Variants in ZNF804A observed in about 807,000 individuals in gnomAD.
The protein encoded by ZNF804A is zinc finger protein 804A.
Under a neutral mutation model 16.5 loss-of-function variants are expected in ZNF804A, and 2 were observed. The ratio of observed to expected loss-of-function variants is 0.12; its 90% confidence interval spans 0.05 to 0.38. The LOEUF (loss-of-function observed/expected upper bound fraction) is 0.38. ZNF804A is among the 10% of genes least tolerant of loss of function. The probability of loss-of-function intolerance (pLI) is 0.99; values close to 1 mark genes in which losing one functional copy is unlikely to be tolerated. For synonymous variants in ZNF804A, 534 were observed against 489.6 expected, an observed-to-expected ratio of 1.09 and a Z score of -1.20; for missense variants, 1,473 against 1,390.7, an observed-to-expected ratio of 1.06 and a Z score of -0.94.
intron 1 of ZNF804A, among the ~76,000 whole-genome samples, chr2:184,752,566 A>G (rs779635661): frequency 1.3e-5 from 2 of 151,526 alleles, no homozygotes; most frequent in Non-Finnish European, 3.0e-5. Flanking sequence ...TAGGAGCCCA[A>G]TTCCCACCAG....
intron 2 of ZNF804A, among the ~76,000 whole-genome samples, chr2:184,886,807 GGGGGCCT>G (rs1218441564): frequency 6.6e-6 from 1 of 152,196 alleles, no homozygotes; most frequent in African/African-American, 2.4e-5. Context: ...CACACAGCGT[GGGGGCCT>G]GGGGCCTGGC....
At chr2:184,909,532 A>G (rs1209377145) in intron 2 of ZNF804A, among the ~76,000 whole-genome samples, 2 of 152,096 alleles carry the variant, frequency 1.3e-5, no homozygotes, top group African/African-American at 4.8e-5. Flanking sequence ...ATATTTATTG[A>G]TAAAGAAATA....
intron 1 of ZNF804A, among the ~76,000 whole-genome samples, chr2:184,842,745 A>G (rs771585581): frequency 1.6e-4 from 25 of 152,260 alleles, no homozygotes; most frequent in Admixed American, 3.9e-4. Context: ...AACAATTCAC[A>G]TATAAGCTCT....
intron 1 of ZNF804A, among the ~76,000 whole-genome samples, chr2:184,628,838 A>G (rs1022527024): frequency 5.9e-5 from 9 of 152,142 alleles, no homozygotes; most frequent in Admixed American, 6.5e-5. Context: ...TGTTTTTCAA[A>G]GAGACTTTAT....
At chr2:184,690,969 A>C (rs755231204) in intron 1 of ZNF804A, among the ~76,000 whole-genome samples, 1 of 152,190 alleles carries the variant, frequency 6.6e-6, no homozygotes, top group Admixed American at 6.5e-5. Flanking sequence ...ATATGCAAAA[A>C]AATTCACAAT....
chr2:184,921,763 T>C (rs1187722105), intron 2 of ZNF804A, among the ~76,000 whole-genome samples: 3 of 152,084 alleles, frequency 2.0e-5, no homozygotes, highest in Non-Finnish European at 4.4e-5. Flanking sequence ...TATCCCCCAC[T>C]TACCCTACCC....
At chr2:184,784,245 G>T (rs1229361207) in intron 1 of ZNF804A, among the ~76,000 whole-genome samples, 2 of 151,812 alleles carry the variant, frequency 1.3e-5, no homozygotes, top group Non-Finnish European at 2.9e-5. Flanking sequence ...ACTATTCCAG[G>T]AGAGTATTGT....
chr2:184,745,969 A>G (rs1693783672), intron 1 of ZNF804A, among the ~76,000 whole-genome samples: 1 of 151,702 alleles, frequency 6.6e-6, no homozygotes. Flanking sequence ...GACATTATTA[A>G]ATAAAAGTTT....
chr2:184,886,854 C>G (rs1336358553), intron 2 of ZNF804A, among the ~76,000 whole-genome samples: 1 of 152,218 alleles, frequency 6.6e-6, no homozygotes, highest in Non-Finnish European at 1.5e-5. Flanking sequence ...TCCTAGGCCT[C>G]CAGGCCTGTG....
chr2:184,651,698 A>G (rs1455986562), intron 1 of ZNF804A, among the ~76,000 whole-genome samples: 2 of 152,162 alleles, frequency 1.3e-5, no homozygotes, highest in African/African-American at 2.4e-5. Context: ...AATGTTCCAT[A>G]TCACTAATCA....
At chr2:184,858,130 A>G (rs934132269) in intron 1 of ZNF804A, among the ~76,000 whole-genome samples, 5 of 151,866 alleles carry the variant, frequency 3.3e-5, no homozygotes, top group Non-Finnish European at 5.9e-5. Context: ...TGGTATATCT[A>G]TTATGTATTT....
intron 1 of ZNF804A, among the ~76,000 whole-genome samples, chr2:184,679,603 G>A (rs896461653): frequency 2.0e-5 from 3 of 152,194 alleles, no homozygotes; most frequent in African/African-American, 7.2e-5. Flanking sequence ...CCACTCCTTA[G>A]GCCTGCTCTG....
chr2:184,754,702 T>A (rs1336451158), intron 1 of ZNF804A, among the ~76,000 whole-genome samples: 1 of 151,936 alleles, frequency 6.6e-6, no homozygotes, highest in African/African-American at 2.4e-5. Context: ...GTTATCTGTA[T>A]TTATTTATAT....
At chr2:184,730,481 C>A (rs1394071099) in intron 1 of ZNF804A, among the ~76,000 whole-genome samples, 2 of 152,170 alleles carry the variant, frequency 1.3e-5, no homozygotes, top group African/African-American at 4.8e-5. Flanking sequence ...GCCACTGTAG[C>A]ATCATACAGA....
At chr2:184,648,974 A>C (rs1266464696) in intron 1 of ZNF804A, among the ~76,000 whole-genome samples, 1 of 152,094 alleles carries the variant, frequency 6.6e-6, no homozygotes, top group African/African-American at 2.4e-5. Flanking sequence ...AACCCATGGA[A>C]TATATATTAT....
intron 1 of ZNF804A, among the ~76,000 whole-genome samples, chr2:184,815,630 C>T (rs764146758): frequency 1.3e-5 from 2 of 151,722 alleles, no homozygotes; most frequent in Non-Finnish European, 2.9e-5. Context: ...ATCTATAAAG[C>T]AGTTTTAATT....
At chr2:184,832,677 A>T (rs1366027160) in intron 1 of ZNF804A, among the ~76,000 whole-genome samples, 2 of 141,204 alleles carry the variant, frequency 1.4e-5, no homozygotes, top group African/African-American at 4.9e-5. Context: ...TATCTTTTTC[A>T]TCCCCCAAAT....
intron 2 of ZNF804A, among the ~76,000 whole-genome samples, chr2:184,924,489 A>G (rs1413493105): frequency 6.6e-6 from 1 of 150,792 alleles, no homozygotes; most frequent in Non-Finnish European, 1.5e-5. Flanking sequence ...AATTTTGTTT[A>G]ACTTTTTAAA....
intron 1 of ZNF804A, among the ~76,000 whole-genome samples, chr2:184,777,384 T>C (rs1206111398): frequency 1.3e-5 from 2 of 151,684 alleles, no homozygotes; most frequent in African/African-American, 4.8e-5. Context: ...AGGCTTTAAA[T>C]ATGTTTTCCA....
Sources: gnomAD v4.1 joint callset for allele counts (sites outside exome capture counted in the v4.1 genomes callset) on GRCh38, gnomAD v4.1.1 for gene constraint, MANE v1.5 for transcripts, NCBI Gene and HGNC (gene_info 2026-07-23, HGNC 2026-07-21) for gene names.